The following FRMPD4 variants were observed in gnomAD, a reference collection of about 807,000 sequenced individuals.
FRMPD4 encodes the protein FERM and PDZ domain-containing protein 4.
FRMPD4 carries 22 observed loss-of-function variants against 94.1 expected under a neutral mutation model. That is an observed-to-expected ratio of 0.23 (90% CI 0.17 to 0.33). The LOEUF is 0.33. Among genes scored for constraint, FRMPD4 ranks in the 10% least tolerant of loss-of-function variants. The probability of loss-of-function intolerance (pLI) is 1.00; values close to 1 mark genes in which losing one functional copy is unlikely to be tolerated. For missense variants in FRMPD4, 1,111 were observed against 1,339.9 expected, an observed-to-expected ratio of 0.83 and a Z score of 2.67; for synonymous variants, 631 against 548.6, an observed-to-expected ratio of 1.15 and a Z score of -2.10.
intron 3 of FRMPD4, among the ~76,000 whole-genome samples, chrX:11,878,496 G>A (rs1361875033): frequency 8.9e-6 from 1 of 111,965 alleles, no homozygotes. Context: ...GAAAAGTTTT[G>A]ATTTTTCAAC....
intron 1 of FRMPD4, among the ~76,000 whole-genome samples, chrX:12,230,962 G>C (rs1601719387): frequency 1.6e-5 from 1 of 62,485 alleles, no homozygotes. Flanking sequence ...AGTATATATA[G>C]TAAATATATA....
intron 4 of FRMPD4, among the ~76,000 whole-genome samples, chrX:12,628,791 T>C (rs1410213010): frequency 8.9e-6 from 1 of 112,783 alleles, no homozygotes; most frequent in East Asian, 2.8e-4. Context: ...AGCTTTACTC[T>C]GGTTTATGTA....
chrX:12,358,889 G>A (rs930875244), intron 1 of FRMPD4, among the ~76,000 whole-genome samples: 1 of 112,235 alleles, frequency 8.9e-6, no homozygotes, highest in Admixed American at 9.5e-5. Flanking sequence ...CTCACTCAGT[G>A]TGTCAGTCCT....
chrX:11,854,015 A>G (rs1190441793), intron 1 of FRMPD4, among the ~76,000 whole-genome samples: 1 of 112,031 alleles, frequency 8.9e-6, no homozygotes, highest in African/African-American at 3.2e-5. Flanking sequence ...AGACCAGGTA[A>G]TTTATAAAGG....
At position 12,378,085 on chromosome X, in the gene FRMPD4, G is replaced by A. The variant is rs372221037; in HGVS notation, c.42-120595G>A. On this transcript the variant is annotated intron_variant, in intron 1 of 16. Transcript: ENST00000675598. The stretch of plus-strand genomic sequence containing the variant: ...ACGTTGCAAAGAGGCACCGATGGGG[G>A]CGACTGATGCTTGCAGGGCACCCAT... Among the ~76,000 whole-genome samples, 95 of 112,217 alleles carry A rather than the reference G, an allele frequency of 8.5e-4. 1 individual carries two copies. The South Asian group carries it at 0.035, about 41-fold the overall frequency.
chrX:12,575,373 G>C (rs1321749454), intron 2 of FRMPD4, among the ~76,000 whole-genome samples: 4 of 106,117 alleles, frequency 3.8e-5, no homozygotes, highest in African/African-American at 1.4e-4. Context: ...CTGTTGCTCG[G>C]TCCTAATAAA....
intron 1 of FRMPD4, among the ~76,000 whole-genome samples, chrX:12,362,384 G>A (rs926268586): frequency 9.1e-6 from 1 of 110,036 alleles, no homozygotes; most frequent in Non-Finnish European, 1.9e-5. Context: ...AGGCCCCGGT[G>A]TGTGATGTTC....
intron 1 of FRMPD4, among the ~76,000 whole-genome samples, chrX:12,417,629 GTTTT>G (rs1001341958): frequency 1.2e-4 from 13 of 107,757 alleles, no homozygotes; most frequent in African/African-American, 4.4e-4. Context: ...TTTATTATCA[GTTTT>G]TTTTATTATC....
upstream of FRMPD4, among the ~76,000 whole-genome samples, chrX:12,137,314 A>T (rs1479694045): frequency 3.6e-5 from 4 of 112,417 alleles, no homozygotes; most frequent in Admixed American, 2.8e-4. Context: ...ATAAATGCTT[A>T]AAAAAAACGC....
chrX:12,328,561 G>A (rs2055323312), intron 1 of FRMPD4, among the ~76,000 whole-genome samples: 1 of 112,586 alleles, frequency 8.9e-6, no homozygotes, highest in Non-Finnish European at 1.9e-5. Flanking sequence ...GGGATGATTT[G>A]TCATATGACA....
rs1178003185 is a variant in FRMPD4 at position 12,451,855 on chromosome X, CTACTT to C, written c.42-46822_42-46818del. ...TTTCCTTTTTTTCCAGCCTCAATAG[CTACTT>C]TATTTTTTCTGAGTTCACTTCTCAC... On this transcript the variant is annotated intron_variant, in intron 1 of 16. Transcript: ENST00000675598. 3.7e-5 allele frequency among the ~76,000 whole-genome samples: 4 copies of C among 109,460 alleles called. No individual in the cohort carries two copies. The East Asian group carries it at 1.1e-3, about 31-fold the overall frequency.
intron 1 of FRMPD4, among the ~76,000 whole-genome samples, chrX:12,141,012 A>G (rs1014629847): frequency 8.9e-6 from 1 of 111,850 alleles, no homozygotes; most frequent in Non-Finnish European, 1.9e-5. Flanking sequence ...GAGCCCGAGG[A>G]TGGTCCCCGT....
In FRMPD4 at chrX:12,494,934, G is replaced by A. The variant is rs752000792; in HGVS notation, c.42-3746G>A. The stretch of plus-strand genomic sequence containing the variant: ...CGCTATTTTTAAGGCTGAGCTAAGC[G>A]TTTGAAAGTGGTTCACACAGCCATG... On this transcript the variant is annotated intron_variant, in intron 1 of 16. Transcript: ENST00000675598. 4.0e-5 allele frequency: 14 copies of A among 347,854 alleles called. No homozygotes were observed. The South Asian group carries it at 5.8e-4, about 15-fold the overall frequency. The allele number at this position is 347,854 out of a possible 1,213,427, so 28.7% of individuals were successfully genotyped here. A position where few individuals can be genotyped will look rare whatever the true frequency, so the allele number is the denominator to read the frequency against.
intron 1 of FRMPD4, among the ~76,000 whole-genome samples, chrX:12,395,223 G>T (rs1045969101): frequency 3.6e-5 from 4 of 112,190 alleles, no homozygotes; most frequent in Non-Finnish European, 7.5e-5. Context: ...CTTCTCTGGG[G>T]CACTGGGGAA....
chrX:12,291,800 C>T (rs1479068039), intron 1 of FRMPD4, among the ~76,000 whole-genome samples: 2 of 111,621 alleles, frequency 1.8e-5, no homozygotes, highest in Non-Finnish European at 3.8e-5. Flanking sequence ...TGGTCTTAGT[C>T]TTACCCTCAT....
At chrX:11,902,419 G>C (rs1398787353) in intron 3 of FRMPD4, among the ~76,000 whole-genome samples, 1 of 111,798 alleles carries the variant, frequency 8.9e-6, no homozygotes, top group Non-Finnish European at 1.9e-5. Context: ...GGCAGAGAGA[G>C]AGCTAGAGAG....
At chrX:11,983,799 A>T (rs941063876) in intron 3 of FRMPD4, among the ~76,000 whole-genome samples, 1 of 111,830 alleles carries the variant, frequency 8.9e-6, no homozygotes, top group Non-Finnish European at 1.9e-5. Flanking sequence ...AATAAAAAAT[A>T]TTAACTTTAT....
At chrX:12,085,302 G>C (rs1431206395) in intron 3 of FRMPD4, among the ~76,000 whole-genome samples, 2 of 112,109 alleles carry the variant, frequency 1.8e-5, no homozygotes, top group Non-Finnish European at 3.8e-5. Flanking sequence ...ATAGAAACCT[G>C]TGAGTATCTT....
intron 3 of FRMPD4, among the ~76,000 whole-genome samples, chrX:11,919,305 TAG>T (rs2054042895): frequency 8.9e-6 from 1 of 112,718 alleles, no homozygotes; most frequent in South Asian, 3.6e-4. Flanking sequence ...ACCACTGCTC[TAG>T]GCAAAGGGTT....
Sources: gnomAD v4.1 joint callset for allele counts (sites outside exome capture counted in the v4.1 genomes callset) on GRCh38, gnomAD v4.1.1 for gene constraint, MANE v1.5 for transcripts, NCBI Gene and HGNC (gene_info 2026-07-23, HGNC 2026-07-21) for gene names.